Variants in BMS1 observed in about 807,000 individuals in gnomAD.
The protein encoded by BMS1 is BMS1 ribosome biogenesis factor, also known as ribosome biogenesis protein BMS1 homolog.
A neutral mutation model predicts 138.7 loss-of-function variants in BMS1; 53 were observed. The ratio of observed to expected loss-of-function variants is 0.38; its 90% confidence interval spans 0.31 to 0.48. The LOEUF (loss-of-function observed/expected upper bound fraction) is 0.48, where lower values mean the gene tolerates loss of function less well. BMS1 is among the 20% of genes least tolerant of loss of function. The pLI, the probability that BMS1 is intolerant of heterozygous loss-of-function variation, is 0.97. For synonymous variants in BMS1, 504 were observed against 539.9 expected, an observed-to-expected ratio of 0.93 and a Z score of 0.92; for missense variants, 1,360 against 1,565.5, an observed-to-expected ratio of 0.87 and a Z score of 2.22.
chr10:42,808,918 G>C (rs1268207795), intron 13 of BMS1, among the ~76,000 whole-genome samples: 4 of 152,138 alleles, frequency 2.6e-5, no homozygotes, highest in African/African-American at 7.2e-5. Context: ...TTTATAGTGA[G>C]TGTTAATGTT....
At chr10:42,788,388 C>T (rs1007655344) in intron 4 of BMS1, among the ~76,000 whole-genome samples, 32 of 151,784 alleles carry the variant, frequency 2.1e-4, no homozygotes, top group African/African-American at 7.7e-4. Flanking sequence ...AATAGTTATA[C>T]ATATTTATGG....
intron 12 of BMS1, among the ~76,000 whole-genome samples, chr10:42,799,904 T>A (rs1203113295): frequency 6.6e-6 from 1 of 152,260 alleles, no homozygotes; most frequent in Non-Finnish European, 1.5e-5. Flanking sequence ...CCTTCCCATT[T>A]CTTTCTTTGG....
At chr10:42,793,411 C>G (rs186968169) in intron 8 of BMS1, among the ~76,000 whole-genome samples, 265 of 152,166 alleles carry the variant, frequency 1.7e-3, no homozygotes, top group Middle Eastern at 3.4e-3. Context: ...GCCTGCACGG[C>G]CCATCCCCGT....
chr10:42,790,543 A>G (rs1423170918), intron 5 of BMS1, 32 bp downstream of exon 5: 3 of 1,605,804 alleles, frequency 1.9e-6, no homozygotes, highest in Non-Finnish European at 2.6e-6. Flanking sequence ...GGATACTAAC[A>G]GTATAATCCT....
At chr10:42,816,195 A>C (rs1842342818) in intron 13 of BMS1, among the ~76,000 whole-genome samples, 1 of 152,086 alleles carries the variant, frequency 6.6e-6, no homozygotes, top group Non-Finnish European at 1.5e-5. Flanking sequence ...GCTACTCGGG[A>C]GACTGAGGCA....
intron 12 of BMS1, among the ~76,000 whole-genome samples, chr10:42,801,049 T>G (rs1189853847): frequency 1.3e-5 from 2 of 152,200 alleles, no homozygotes; most frequent in Admixed American, 1.3e-4. Context: ...CTTTATCAAT[T>G]CTTGCTCTAT....
At chr10:42,824,219 T>C (rs1293882802) in intron 21 of BMS1, among the ~76,000 whole-genome samples, 1 of 152,228 alleles carries the variant, frequency 6.6e-6, no homozygotes, top group Admixed American at 6.5e-5. Flanking sequence ...CCTCATGATA[T>C]ACACTAGATC....
chr10:42,814,151 G>A (rs1200195527), intron 13 of BMS1, among the ~76,000 whole-genome samples: 2 of 152,210 alleles, frequency 1.3e-5, no homozygotes, highest in Non-Finnish European at 2.9e-5. Context: ...TTCACTAAAT[G>A]TGGGAAGCGT....
chr10:42,794,435 T>A (rs1841609327), intron 9 of BMS1, among the ~76,000 whole-genome samples: 1 of 152,010 alleles, frequency 6.6e-6, no homozygotes, highest in South Asian at 2.1e-4. Flanking sequence ...TGAATTATTT[T>A]CCAGTCTGGG....
intron 9 of BMS1, among the ~76,000 whole-genome samples, chr10:42,794,862 A>G (rs1457297191): frequency 2.0e-5 from 3 of 151,806 alleles, no homozygotes; most frequent in Non-Finnish European, 4.4e-5. Context: ...CGCTGCACCC[A>G]CTAACTTGTC....
intron 21 of BMS1, among the ~76,000 whole-genome samples, chr10:42,828,156 C>T (rs1442998976): frequency 6.6e-6 from 1 of 152,194 alleles, no homozygotes; most frequent in Non-Finnish European, 1.5e-5. Flanking sequence ...CACAAAATAG[C>T]TACTTTGCCA....
intron 15 of BMS1, among the ~76,000 whole-genome samples, chr10:42,819,311 T>C (rs1356870993): frequency 1.3e-5 from 2 of 152,250 alleles, no homozygotes; most frequent in Non-Finnish European, 2.9e-5. Context: ...ATCATCGAGA[T>C]GCACGTCAGT....
At chr10:42,826,388 GATGGGAGTGACTCTGGAC>G (rs1345945092) in intron 21 of BMS1, among the ~76,000 whole-genome samples, 21 of 152,250 alleles carry the variant, frequency 1.4e-4, no homozygotes, top group African/African-American at 4.8e-4. Context: ...ACTCCCAGGG[GATGGGAGTGACTCTGGAC>G]ATGGGAGTGA....
intron 21 of BMS1, among the ~76,000 whole-genome samples, chr10:42,827,984 T>G (rs1486357085): frequency 6.6e-6 from 1 of 152,226 alleles, no homozygotes; most frequent in African/African-American, 2.4e-5. Flanking sequence ...TCTGAAAGTT[T>G]TAATGTTTTA....
chr10:42,785,950 T>C (rs1007902733), intron 3 of BMS1, among the ~76,000 whole-genome samples: 3 of 152,194 alleles, frequency 2.0e-5, no homozygotes, highest in African/African-American at 7.2e-5. Flanking sequence ...CAAGCTTTGC[T>C]GCTCGATTGC....
rs1030838324 is a variant in BMS1 at position 42,833,003 on chromosome 10, T to C, written c.*1907T>C. 1 of 152,234 alleles carries C rather than the reference T, an allele frequency of 6.6e-6. No individual in the cohort carries two copies. The highest frequency in any genetic ancestry group is 2.4e-5 in the African/African-American group (1 of 41,464). 9.4% of individuals were successfully genotyped at this position (152,234 alleles called of 1,614,324 possible). A position where few individuals can be genotyped will look rare whatever the true frequency, so the allele number is the denominator to read the frequency against. On this transcript the variant is annotated 3_prime_UTR_variant, in exon 23 of 23. Transcript: ENST00000374518. ...TACAAGGTGATCAGCAAGTGTCTTA[T>C]ACAACAAGCAAATTTGTTCAAAGAG...
chr10:42,804,312 A>G (rs1226584260), intron 13 of BMS1, among the ~76,000 whole-genome samples: 1 of 152,192 alleles, frequency 6.6e-6, no homozygotes, highest in Non-Finnish European at 1.5e-5. Context: ...AAATTACCCA[A>G]CTGTTTTCCA....
Position 42,827,515 on chromosome 10 carries a change from C to T in BMS1, c.3457-2746C>T, listed in dbSNP as rs145986913. Among the ~76,000 whole-genome samples the T allele has an allele frequency of 7.1e-3, 1,085 of 152,194 alleles. 9 individuals carry two copies. Among genetic ancestry groups the T allele is most frequent in the Non-Finnish European group, 0.013 (884 of 67,998 alleles). On this transcript the variant is annotated intron_variant, in intron 21 of 22. Transcript: ENST00000374518. Reference sequence around the variant, plus strand: ...AAGTGATTCCAGGTCCAGGAGGGCACGTTGCAGCAGCAGCTGGTCCATGGG... The same window carrying T: ...AAGTGATTCCAGGTCCAGGAGGGCATGTTGCAGCAGCAGCTGGTCCATGGG...
At chr10:42,812,161 T>G (rs1842203494) in intron 13 of BMS1, among the ~76,000 whole-genome samples, 1 of 152,214 alleles carries the variant, frequency 6.6e-6, no homozygotes, top group African/African-American at 2.4e-5. Flanking sequence ...TCCTTGCTCC[T>G]TTTCTGCCTA....
Sources: gnomAD v4.1 joint callset for allele counts (sites outside exome capture counted in the v4.1 genomes callset) on GRCh38, gnomAD v4.1.1 for gene constraint, MANE v1.5 for transcripts, NCBI Gene and HGNC (gene_info 2026-07-23, HGNC 2026-07-21) for gene names.